Variants in LRTM1 observed in about 807,000 individuals in gnomAD.
The protein encoded by LRTM1 is leucine rich repeat transmembrane protein 1.
LRTM1 carries 38 observed loss-of-function variants against 32.4 expected under a neutral mutation model. That is an observed-to-expected ratio of 1.17 (90% CI 0.91 to 1.54). The LOEUF (loss-of-function observed/expected upper bound fraction) is 1.54, where lower values mean the gene tolerates loss of function less well. LRTM1 is among the 40% of genes most tolerant of loss of function. The pLI, the probability that LRTM1 is intolerant of heterozygous loss-of-function variation, is 0.00. For missense variants in LRTM1, 466 were observed against 415.4 expected (o/e 1.12, Z -1.06); for synonymous variants, 186 against 169.9 (o/e 1.09, Z -0.74).
chr3:54,938,677 G>A (rs1353218640), intron 1 of LRTM1, among the ~76,000 whole-genome samples: 1 of 148,842 alleles, frequency 6.7e-6, no homozygotes, highest in Non-Finnish European at 1.5e-5. Context: ...CTTGTCCTGT[G>A]ACCATGGTAA....
chr3:54,963,396 A>G lies in LRTM1; in HGVS notation c.-222+3532T>C, dbSNP rs538825532. Among the ~76,000 whole-genome samples the G allele has an allele frequency of 3.3e-5, 5 of 152,332 alleles. No individual in the cohort carries two copies. In the East Asian group the frequency reaches 7.7e-4, roughly 23 times the overall value. ...TCATCGTCCAGTAGAAGTCTCTGCA[A>G]TGATGGAAATATTCTAGATCTGCAT... is the stretch of plus-strand genomic sequence containing the variant. On this transcript the variant is annotated intron_variant, in intron 1 of 2. Coordinates refer to the LRTM1 transcript ENST00000493075.
intron 2 of LRTM1, among the ~76,000 whole-genome samples, chr3:54,921,559 A>T (rs930342179): frequency 4.5e-4 from 68 of 152,120 alleles, no homozygotes; most frequent in African/African-American, 1.5e-3. Flanking sequence ...AAATTTTCCC[A>T]CTTTTTGTGG....
upstream of LRTM1, among the ~76,000 whole-genome samples, chr3:54,932,221 A>G (rs1456662545): frequency 6.6e-6 from 1 of 152,188 alleles, no homozygotes; most frequent in African/African-American, 2.4e-5. Context: ...TTAGAACTAA[A>G]TATACCCATC....
chr3:54,965,080 T>C (rs1443867071), intron 1 of LRTM1, among the ~76,000 whole-genome samples: 1 of 152,150 alleles, frequency 6.6e-6, no homozygotes, highest in Non-Finnish European at 1.5e-5. Flanking sequence ...GGACCAATAG[T>C]AAATAACTGA....
At position 54,918,568 on chromosome 3, in the gene LRTM1, C is replaced by T. The variant is rs1700733795; in HGVS notation, c.929G>A (p.Gly310Asp). 1.9e-6 allele frequency: 3 copies of T among 1,614,084 alleles called. No individual in the cohort carries two copies. The highest frequency in any genetic ancestry group is 1.6e-4 in the Middle Eastern group (1 of 6,062). Residue 310 changes from glycine (G) to aspartate (D), a missense_variant, in exon 3 of 3, where the codon GGC (glycine) becomes GAC (aspartate). Physicochemically the swap from Gly to Asp is moderately conservative, Grantham distance 94. Transcript: ENST00000273286. ...CLMMLAAAIYGCTYAAITAQY... is the reference protein window; with the variant it reads ...CLMMLAAAIYDCTYAAITAQY... ...GGCTGTGATTGCCGCATAGGTGCAG[C>T]CATAGATGGCAGCTGCCAACATCAT...
chr3:54,945,496 T>C (rs770823949), intron 1 of LRTM1, among the ~76,000 whole-genome samples: 13 of 152,184 alleles, frequency 8.5e-5, no homozygotes, highest in Non-Finnish European at 1.9e-4. Context: ...ACAATGTCTT[T>C]TAGGTGCCTA....
chr3:54,929,473 T>C (rs1701127444), upstream of LRTM1, among the ~76,000 whole-genome samples: 2 of 152,178 alleles, frequency 1.3e-5, no homozygotes, highest in South Asian at 4.1e-4. Flanking sequence ...GAATGGAAGT[T>C]GAAAACATCA....
chr3:54,918,676 T>C lies in LRTM1; in HGVS notation c.821A>G (p.Lys274Arg), dbSNP rs529345810. The C allele has an allele frequency of 1.6e-5, 26 of 1,614,186 alleles. No individual in the cohort carries two copies. The East Asian group carries it at 5.1e-4, about 32-fold the overall frequency. The change falls in exon 3 of 3, where the codon AAA (lysine) becomes AGA (arginine). Residue 274 changes from lysine to arginine, a missense_variant. Transcript: ENST00000273286. ...GERELLECEL[K>R]PKPRPANLRH... Reference sequence around the variant, plus strand: ...CAGGTTGGCCGGCCTTGGCTTGGGTTTGAGCTCGCACTCCAAGAGTTCTCG... The same window carrying C: ...CAGGTTGGCCGGCCTTGGCTTGGGTCTGAGCTCGCACTCCAAGAGTTCTCG...
At chr3:54,929,967 C>T (rs112349812), upstream of LRTM1, among the ~76,000 whole-genome samples, 64 of 152,242 alleles carry the variant, frequency 4.2e-4, no homozygotes, top group African/African-American at 1.4e-3. Context: ...CTCTCTCTTT[C>T]CCTGGGGTCA....
At chr3:54,959,267 C>G (rs1468817349) in intron 1 of LRTM1, among the ~76,000 whole-genome samples, 1 of 152,140 alleles carries the variant, frequency 6.6e-6, no homozygotes. Context: ...CACCACAGTT[C>G]CCTGTCAGCT....
In LRTM1 at chr3:54,927,526, C is replaced by T. The variant is rs933108736; in HGVS notation, c.7+379G>A. On this transcript the variant is annotated intron_variant, in intron 1 of 2. Transcript: ENST00000273286. The stretch of plus-strand genomic sequence containing the variant: ...TTCTTAAACCAGAGAACATGTTTGC[C>T]GCAGAATCCACTGATCTATTAATGA... Among the ~76,000 whole-genome samples, 7 of 152,082 alleles carry T rather than the reference C, an allele frequency of 4.6e-5. 1 individual carries two copies. Among genetic ancestry groups the T allele is most frequent in the African/African-American group, 4.8e-5 (2 of 41,416 alleles).
intron 1 of LRTM1, among the ~76,000 whole-genome samples, chr3:54,954,945 C>T (rs1437900740): frequency 6.6e-6 from 1 of 152,212 alleles, no homozygotes; most frequent in African/African-American, 2.4e-5. Flanking sequence ...CATTCATTTA[C>T]TCATCTAGCT....
rs763044765 is a variant in LRTM1 at position 54,925,061 on chromosome 3, C to T, written c.162G>A (p.Thr54=). The T allele has an allele frequency of 6.2e-6, 10 of 1,613,950 alleles. No homozygotes were observed. The highest frequency in any genetic ancestry group is 2.7e-5 in the African/African-American group (2 of 74,900). The change falls in exon 2 of 3, where the codon ACG becomes ACA. Residue 54 remains threonine (T), a synonymous_variant. Coordinates refer to ENST00000273286, the MANE Select transcript of LRTM1 (RefSeq NM_020678.4). ...IPSHLPPQTR[T]LHLQDNQIHH... The stretch of plus-strand genomic sequence containing the variant: ...GTATCTGATTATCTTGTAAATGCAG[C>T]GTTCGAGTCTGAGGAGGTAAATGGG...
chr3:54,941,478 G>A (rs1240206213), intron 1 of LRTM1, among the ~76,000 whole-genome samples: 3 of 152,086 alleles, frequency 2.0e-5, no homozygotes, highest in African/African-American at 4.8e-5. Context: ...TTCATCTGTC[G>A]TTTTCCCCCT....
chr3:54,946,189 C>G (rs947161750), intron 1 of LRTM1, among the ~76,000 whole-genome samples: 1 of 152,182 alleles, frequency 6.6e-6, no homozygotes, highest in African/African-American at 2.4e-5. Context: ...TTCCCTGCCT[C>G]TCACTTTGCC....
rs189770435 is a variant in LRTM1, at chr3:54,944,451, C to T, written c.-221-19236G>A. Among the ~76,000 whole-genome samples, 127 of 151,708 alleles carry T rather than the reference C, an allele frequency of 8.4e-4. 2 individuals carry two copies. The East Asian group carries it at 0.021, about 25-fold the overall frequency. ...ATTTATTTATTTTGAGACGGAATCT[C>T]GCTCTGTCGCCCAGGCTGGAGTGCA... On this transcript the variant is annotated intron_variant, in intron 1 of 2. Transcript: ENST00000493075.
chr3:54,919,524 T>C (rs540519403), intron 2 of LRTM1, among the ~76,000 whole-genome samples: 4 of 152,312 alleles, frequency 2.6e-5, no homozygotes, highest in South Asian at 2.1e-4. Context: ...TACTGAACTT[T>C]CCAGTGGGTT....
intron 1 of LRTM1, among the ~76,000 whole-genome samples, chr3:54,954,075 G>A (rs371845849): frequency 6.6e-6 from 1 of 152,320 alleles, no homozygotes; most frequent in East Asian, 1.9e-4. Flanking sequence ...CATGAATTCA[G>A]TGTCTCTCTG....
chr3:54,960,168 G>C (rs1701997383), intron 1 of LRTM1, among the ~76,000 whole-genome samples: 1 of 151,816 alleles, frequency 6.6e-6, no homozygotes, highest in Admixed American at 6.6e-5. Context: ...GCCAGTCACA[G>C]GCAGCAGGTA....
Sources: allele counts gnomAD v4.1 joint callset (sites outside exome capture counted in the v4.1 genomes callset), GRCh38; gene constraint gnomAD v4.1.1; transcripts MANE v1.5; gene names NCBI Gene and HGNC (gene_info 2026-07-23, HGNC 2026-07-21).